Variants in RANBP2 observed in about 807,000 individuals in gnomAD.
The protein encoded by RANBP2 is RAN binding protein 2.
RANBP2 carries 57 observed loss-of-function variants against 303.6 expected under a neutral mutation model. That is an observed-to-expected ratio of 0.19 (90% CI 0.15 to 0.23). RANBP2 has a LOEUF of 0.23. Among genes scored for constraint, RANBP2 ranks in the 10% least tolerant of loss-of-function variants. The pLI, the probability that RANBP2 is intolerant of heterozygous loss-of-function variation, is 1.00. For synonymous variants in RANBP2, 1,167 were observed against 1,301.5 expected, an observed-to-expected ratio of 0.90 and a Z score of 2.23; for missense variants, 3,138 against 3,780.8, an observed-to-expected ratio of 0.83 and a Z score of 4.46.
the RANBP2 span, among the ~76,000 whole-genome samples, chr2:109,247,859 TTATATCCCCCAAAGGCTAGCC>T: frequency 6.6e-6 from 1 of 152,226 alleles, no homozygotes; most frequent in African/African-American, 2.4e-5. Context: ...ACATGGTCTC[TTATATCCCCCAAAGGCTAGCC>T]TGGGCGTCTT....
chr2:108,895,955 A>G, the RANBP2 span: 1 of 152,204 alleles, frequency 6.6e-6, no homozygotes. Flanking sequence ...ACAGCTGACT[A>G]CTCATACATG....
the RANBP2 span, among the ~76,000 whole-genome samples, chr2:109,708,253 GCACA>G: frequency 6.6e-6 from 1 of 151,882 alleles, no homozygotes; most frequent in Non-Finnish European, 1.5e-5. Context: ...GGGCATGGTG[GCACA>G]CGCCTGTAGT....
chr2:109,030,369 C>T, the RANBP2 span, among the ~76,000 whole-genome samples: 2 of 152,158 alleles, frequency 1.3e-5, no homozygotes, highest in South Asian at 2.1e-4. Context: ...GTGAATTTCA[C>T]GTAAGTAAAG....
At chr2:108,970,253 G>A in the RANBP2 span, among the ~76,000 whole-genome samples, 1 of 152,138 alleles carries the variant, frequency 6.6e-6, no homozygotes, top group South Asian at 2.1e-4. Flanking sequence ...CAGGTGGTAC[G>A]CATTTGAGTT....
the RANBP2 span, among the ~76,000 whole-genome samples, chr2:108,810,018 G>A: frequency 4.3e-4 from 66 of 152,212 alleles, no homozygotes; most frequent in South Asian, 0.013. Flanking sequence ...ATTGGCCAGG[G>A]TGGTCTTGAA....
the RANBP2 span, chr2:108,815,828 T>G: frequency 1.1e-6 from 1 of 878,536 alleles, no homozygotes; most frequent in East Asian, 2.6e-5. Context: ...CTTAACACAT[T>G]TTAGTGAATT....
chr2:109,309,609 C>G, the RANBP2 span, among the ~76,000 whole-genome samples: 1 of 128,088 alleles, frequency 7.8e-6, no homozygotes, highest in Non-Finnish European at 1.6e-5. Context: ...GGAAACCCAT[C>G]TCACGTGCAG....
At chr2:109,714,925 A>G in the RANBP2 span, among the ~76,000 whole-genome samples, 1 of 120,686 alleles carries the variant, frequency 8.3e-6, no homozygotes, top group East Asian at 2.8e-4. Context: ...CTATTTTTAA[A>G]CATTTAATTT....
the RANBP2 span, among the ~76,000 whole-genome samples, chr2:108,914,175 G>A: frequency 2.6e-5 from 4 of 151,844 alleles, no homozygotes; most frequent in South Asian, 4.2e-4. Flanking sequence ...TAGGAGAATC[G>A]CTTGAACCCG....
At chr2:108,928,091 G>T in the RANBP2 span, among the ~76,000 whole-genome samples, 2 of 152,056 alleles carry the variant, frequency 1.3e-5, no homozygotes, top group Non-Finnish European at 2.9e-5. Flanking sequence ...AGTCTTCAGC[G>T]GTGGTTTCCA....
At chr2:109,261,415 T>C in the RANBP2 span, among the ~76,000 whole-genome samples, 1 of 152,226 alleles carries the variant, frequency 6.6e-6, no homozygotes, top group Non-Finnish European at 1.5e-5. Context: ...CAGTAAAATG[T>C]GCAGTCTGTG....
chr2:109,395,828 C>A, the RANBP2 span, among the ~76,000 whole-genome samples: 1 of 152,320 alleles, frequency 6.6e-6, no homozygotes, highest in African/African-American at 2.4e-5. Context: ...ATCAGGGCCC[C>A]ATCTCTTCTG....
the RANBP2 span, among the ~76,000 whole-genome samples, chr2:109,418,632 T>A: frequency 6.6e-6 from 1 of 152,148 alleles, no homozygotes; most frequent in Non-Finnish European, 1.5e-5. Context: ...TCAAGGATGA[T>A]CTATTCTCAG....
the RANBP2 span, among the ~76,000 whole-genome samples, chr2:108,954,503 T>C: frequency 8.0e-4 from 121 of 152,164 alleles, no homozygotes; most frequent in African/African-American, 2.8e-3. Context: ...CCCCACCCAC[T>C]CTCCTTGGCA....
chr2:109,625,665 C>CAAATA, the RANBP2 span, among the ~76,000 whole-genome samples: 1 of 151,798 alleles, frequency 6.6e-6, no homozygotes, highest in Admixed American at 6.6e-5. Flanking sequence ...GACTCCGTCT[C>CAAATA]AAATAAAATA....
At chr2:109,161,337 G>A in the RANBP2 span, among the ~76,000 whole-genome samples, 2 of 152,116 alleles carry the variant, frequency 1.3e-5, no homozygotes, top group East Asian at 3.9e-4. Context: ...GGTATGCACG[G>A]GTTTCTCTCT....
chr2:108,791,985 ACTT>A, the RANBP2 span, among the ~76,000 whole-genome samples: 1 of 152,176 alleles, frequency 6.6e-6, no homozygotes, highest in Non-Finnish European at 1.5e-5. Flanking sequence ...AGAAAATTAA[ACTT>A]CATTATTTTT....
chr2:108,732,613 C>G (rs1695254003), intron 4 of RANBP2, among the ~76,000 whole-genome samples: 1 of 152,152 alleles, frequency 6.6e-6, no homozygotes, highest in Non-Finnish European at 1.5e-5. Flanking sequence ...TTCATTTTAT[C>G]ACGTGTAGAT....
chr2:109,499,242 G>A, the RANBP2 span, among the ~76,000 whole-genome samples: 1 of 152,138 alleles, frequency 6.6e-6, no homozygotes, highest in Non-Finnish European at 1.5e-5. Flanking sequence ...CTGTGGAGAT[G>A]GGTACCCGGG....
Sources: allele counts gnomAD v4.1 joint callset (sites outside exome capture counted in the v4.1 genomes callset), GRCh38; gene constraint gnomAD v4.1.1; transcripts MANE v1.5; gene names NCBI Gene and HGNC (gene_info 2026-07-23, HGNC 2026-07-21).